Variants in MED13L observed in about 807,000 individuals in gnomAD.
MED13L encodes mediator of RNA polymerase II transcription subunit 13-like.
A neutral mutation model predicts 220.9 loss-of-function variants in MED13L; 7 were observed. The ratio of observed to expected loss-of-function variants is 0.03; its 90% CI spans 0.02 to 0.06. MED13L has a LOEUF of 0.06. Among genes scored for constraint, MED13L ranks in the 10% least tolerant of loss-of-function variants. MED13L has a pLI of 1.00. For missense variants in MED13L, 1,965 were observed against 2,760.5 expected (o/e 0.71, Z 6.46); for synonymous variants, 1,011 against 1,015.2 (o/e 1.00, Z 0.08).
At chr12:115,997,484 T>C (rs1259486324) in intron 14 of MED13L, among the ~76,000 whole-genome samples, 1 of 152,234 alleles carries the variant, frequency 6.6e-6, no homozygotes, top group East Asian at 1.9e-4. Context: ...TGCAGTGGCC[T>C]GATCTTGACT....
chr12:116,136,199 C>A (rs1159590414), intron 2 of MED13L, among the ~76,000 whole-genome samples: 1 of 152,142 alleles, frequency 6.6e-6, no homozygotes, highest in Non-Finnish European at 1.5e-5. Context: ...CTGCACCCGG[C>A]CTCAAAGATT....
intron 4 of MED13L, among the ~76,000 whole-genome samples, chr12:116,078,417 A>G (rs1404905014): frequency 6.6e-6 from 1 of 152,206 alleles, no homozygotes; most frequent in Admixed American, 6.5e-5. Flanking sequence ...CAGAATAAAT[A>G]ACTGAAAAAA....
intron 4 of MED13L, among the ~76,000 whole-genome samples, chr12:116,085,509 C>T (rs1204416528): frequency 1.3e-5 from 2 of 152,040 alleles, no homozygotes; most frequent in Non-Finnish European, 2.9e-5. Flanking sequence ...ACCTCATTTA[C>T]CATTTTGATC....
chr12:116,277,231 C>A lies in MED13L; in HGVS notation c.-100G>T, dbSNP rs2138617496. The A allele has an allele frequency of 1.7e-6, 1 of 578,556 alleles. No individual in the cohort carries two copies. 35.8% of individuals were successfully genotyped at this position (578,556 alleles called of 1,614,324 possible). ...CGGCGCCTCGCCGGGGAGCGCGGGG[C>A]GGCCGGGCCGCCGCCGCCGCCGGGG... On this transcript the variant is annotated 5_prime_UTR_variant, in exon 1 of 31. Transcript: ENST00000281928.
intron 11 of MED13L, 157 bp downstream of exon 11, chr12:116,007,254 G>A (rs996826398): frequency 4.4e-5 from 32 of 719,728 alleles, no homozygotes; most frequent in Non-Finnish European, 6.9e-5. Flanking sequence ...GGAACAATAC[G>A]CTGTTCAATA....
rs565662471 is a variant in MED13L, at chr12:116,146,897, A to G, written c.311-35385T>C. On this transcript the variant is annotated intron_variant, in intron 2 of 30. Transcript: ENST00000281928. ...ATAATAATTAAAAAAAAAAGTAAAA[A>G]ACCAAAAATCTCTAAATAGCCTCAA... Among the ~76,000 whole-genome samples, 67 of 152,172 alleles carry G rather than the reference A, an allele frequency of 4.4e-4. 2 individuals carry two copies. In the South Asian group the frequency reaches 0.014, roughly 31 times the overall value.
At chr12:116,006,067 T>C in intron 12 of MED13L, 74 bp from the exon 13 acceptor site, 2 of 1,585,146 alleles carry the variant, frequency 1.3e-6, no homozygotes, top group Non-Finnish European at 1.7e-6. Context: ...AGGACACGGA[T>C]CTCAATGAAC....
At chr12:116,198,513 C>A (rs915520615) in intron 2 of MED13L, among the ~76,000 whole-genome samples, 1 of 152,182 alleles carries the variant, frequency 6.6e-6, no homozygotes, top group Non-Finnish European at 1.5e-5. Context: ...TCTTCTCTGA[C>A]CCCCTACAGA....
intron 2 of MED13L, among the ~76,000 whole-genome samples, chr12:116,121,808 G>C (rs1176078352): frequency 1.3e-5 from 2 of 152,064 alleles, no homozygotes; most frequent in African/African-American, 4.8e-5. Context: ...CTATTATCCA[G>C]AACATTGAGT....
At chr12:116,118,073 T>C (rs1874682398) in intron 2 of MED13L, among the ~76,000 whole-genome samples, 1 of 152,216 alleles carries the variant, frequency 6.6e-6, no homozygotes, top group South Asian at 2.1e-4. Context: ...ACTCCCAAAG[T>C]GCTGGGATTA....
At chr12:116,152,340 T>C (rs879451300) in intron 2 of MED13L, among the ~76,000 whole-genome samples, 2 of 152,254 alleles carry the variant, frequency 1.3e-5, no homozygotes, top group Non-Finnish European at 2.9e-5. Context: ...CAATGGTTCA[T>C]ATCCTGCTAA....
chr12:116,148,611 A>ATC (rs772083138), intron 2 of MED13L: 2 of 32,438 alleles, frequency 6.2e-5, no homozygotes, highest in Admixed American at 3.2e-4. Context: ...GGAGATATCT[A>ATC]TATATATATA....
chr12:116,261,879 GTTAT>G (rs776539130), intron 1 of MED13L, among the ~76,000 whole-genome samples: 59 of 152,218 alleles, frequency 3.9e-4, no homozygotes, highest in Non-Finnish European at 7.9e-4. Flanking sequence ...CTGGCCCTGC[GTTAT>G]TTCTCACACC....
Position 116,119,828 on chromosome 12 carries a change from A to T in MED13L, c.311-8316T>A, listed in dbSNP as rs1334040690. Among the ~76,000 whole-genome samples, 104 of 119,358 alleles carry T rather than the reference A, an allele frequency of 8.7e-4. No individual in the cohort carries two copies. In the East Asian group the frequency reaches 0.011, roughly 12 times the overall value. 78.3% of individuals were successfully genotyped at this position (119,358 alleles called of 152,430 possible). ...TATCTTTAAAAAAAAAAAAAAAAAA[A>T]AAAAAAAAAAATATATATATATATA... On this transcript the variant is annotated intron_variant, in intron 2 of 30. Transcript: ENST00000281928.
At chr12:115,962,114 T>G (rs1875805215) in intron 30 of MED13L, among the ~76,000 whole-genome samples, 1 of 152,250 alleles carries the variant, frequency 6.6e-6, no homozygotes, top group Non-Finnish European at 1.5e-5. Context: ...TTTTTACTAT[T>G]TTAATGTGGC....
intron 16 of MED13L, among the ~76,000 whole-genome samples, chr12:115,995,056 G>A (rs1464914546): frequency 6.6e-6 from 1 of 152,136 alleles, no homozygotes; most frequent in Non-Finnish European, 1.5e-5. Context: ...AGCTTCCTAA[G>A]TCTAGGATTC....
chr12:116,222,559 TCA>T (rs1405311772), intron 2 of MED13L, among the ~76,000 whole-genome samples: 1 of 152,178 alleles, frequency 6.6e-6, no homozygotes, highest in East Asian at 1.9e-4. Context: ...AAAGTCTGAC[TCA>T]CTAATGATAC....
At chr12:115,963,611 C>A in intron 29 of MED13L, 92 bp from the exon 30 acceptor site, 2 of 932,516 alleles carry the variant, frequency 2.1e-6, no homozygotes, top group Non-Finnish European at 3.4e-6. Flanking sequence ...CAGATGCTCC[C>A]AAAAGTCCGT....
At chr12:116,017,029 C>T (rs934845479) in intron 7 of MED13L, among the ~76,000 whole-genome samples, 2 of 152,140 alleles carry the variant, frequency 1.3e-5, no homozygotes, top group African/African-American at 4.8e-5. Flanking sequence ...AGACTCCTAA[C>T]CTGTAATTCA....
Sources: allele counts gnomAD v4.1 joint callset (sites outside exome capture counted in the v4.1 genomes callset), GRCh38; gene constraint gnomAD v4.1.1; transcripts MANE v1.5; gene names NCBI Gene and HGNC (gene_info 2026-07-23, HGNC 2026-07-21).